ATP8A2: variants seen among roughly 807,000 people sequenced by gnomAD.
ATP8A2 encodes the protein ATPase phospholipid transporting 8A2, also known as phospholipid-transporting ATPase IB.
A neutral mutation model predicts 165.6 loss-of-function variants in ATP8A2; 100 were observed. The ratio of observed to expected loss-of-function variants is 0.60; its 90% CI spans 0.51 to 0.71. The LOEUF (loss-of-function observed/expected upper bound fraction) is 0.71. ATP8A2 is among the 30% of genes least tolerant of loss of function. The pLI is 0.00. For missense variants in ATP8A2, 1,227 were observed against 1,479.5 expected (o/e 0.83, Z 2.80); for synonymous variants, 543 against 548.8 (o/e 0.99, Z 0.15).
At chr13:25,836,037 A>G (rs1951594368) in intron 28 of ATP8A2, among the ~76,000 whole-genome samples, 4 of 152,220 alleles carry the variant, frequency 2.6e-5, no homozygotes, top group Admixed American at 2.6e-4. Flanking sequence ...AGTAGAACAA[A>G]AAGTGATTGG....
At chr13:25,534,867 T>G (rs1306881107) in intron 6 of ATP8A2, among the ~76,000 whole-genome samples, 1 of 152,206 alleles carries the variant, frequency 6.6e-6, no homozygotes, top group Admixed American at 6.5e-5. Context: ...GCTATCTGAT[T>G]CACTGGGTCT....
chr13:25,440,888 GA>G (rs1215262376), intron 1 of ATP8A2, among the ~76,000 whole-genome samples: 1 of 152,150 alleles, frequency 6.6e-6, no homozygotes, highest in Non-Finnish European at 1.5e-5. Flanking sequence ...AATATGTTGA[GA>G]CCCTTGACGT....
At chr13:25,407,018 C>T (rs1387773079) in intron 1 of ATP8A2, among the ~76,000 whole-genome samples, 1 of 152,154 alleles carries the variant, frequency 6.6e-6, no homozygotes, top group African/African-American at 2.4e-5. Context: ...AGGACACTTA[C>T]CTGGCAGTGG....
chr13:25,995,897 A>G (rs946286994), intron 35 of ATP8A2, among the ~76,000 whole-genome samples: 3 of 152,124 alleles, frequency 2.0e-5, no homozygotes, highest in Non-Finnish European at 4.4e-5. Flanking sequence ...ATAATTGTGA[A>G]TTAGTCTATT....
chr13:25,799,099 A>G (rs184135680), intron 27 of ATP8A2, among the ~76,000 whole-genome samples: 92 of 152,330 alleles, frequency 6.0e-4, no homozygotes, highest in African/African-American at 2.2e-3. Context: ...AGATTAAAAA[A>G]AAAACACAGT....
intron 24 of ATP8A2, among the ~76,000 whole-genome samples, chr13:25,679,375 C>A (rs2137797260): frequency 6.6e-6 from 1 of 152,278 alleles, no homozygotes; most frequent in South Asian, 2.1e-4. Context: ...TGAGGTTTTG[C>A]AACAGAATGT....
At chr13:25,735,625 T>C (rs908634025) in intron 25 of ATP8A2, among the ~76,000 whole-genome samples, 2 of 151,912 alleles carry the variant, frequency 1.3e-5, no homozygotes, top group Admixed American at 6.6e-5. Context: ...GAGAGGAAGG[T>C]AAGTCAGGAG....
rs750970137 is a variant in ATP8A2, at chr13:25,940,491, G to C, written c.3184-21084G>C. Reference sequence around the variant, plus strand: ...TCCCGTCCTCTGGGCAGGCCCCACCGGCCTTTCCTCCACACTGACTCATGC... The same window carrying C: ...TCCCGTCCTCTGGGCAGGCCCCACCCGCCTTTCCTCCACACTGACTCATGC... On this transcript the variant is annotated intron_variant, in intron 33 of 36. Transcript: ENST00000381655. Among the ~76,000 whole-genome samples, 12 of 152,234 alleles carry C rather than the reference G, an allele frequency of 7.9e-5. No individual in the cohort carries two copies. The East Asian group carries it at 2.3e-3, about 29-fold the overall frequency.
At chr13:25,523,416 G>A (rs907399884) in intron 2 of ATP8A2, among the ~76,000 whole-genome samples, 2 of 151,982 alleles carry the variant, frequency 1.3e-5, no homozygotes, top group Non-Finnish European at 1.5e-5. Flanking sequence ...AAGACTTCAG[G>A]CACACACCAC....
At chr13:25,666,829 TGA>T (rs2042164840) in intron 24 of ATP8A2, among the ~76,000 whole-genome samples, 1 of 152,212 alleles carries the variant, frequency 6.6e-6, no homozygotes, top group Non-Finnish European at 1.5e-5. Context: ...GAGATAAGGC[TGA>T]GGTAGCCAAA....
chr13:25,578,123 A>G (rs2039668630), intron 20 of ATP8A2, among the ~76,000 whole-genome samples: 1 of 152,188 alleles, frequency 6.6e-6, no homozygotes, highest in Non-Finnish European at 1.5e-5. Flanking sequence ...GGTGGTAGAG[A>G]GAGGAGGGCT....
chr13:25,419,786 A>T (rs191674764), intron 1 of ATP8A2, among the ~76,000 whole-genome samples: 4 of 152,348 alleles, frequency 2.6e-5, no homozygotes, highest in Admixed American at 2.6e-4. Flanking sequence ...TGTGAGAGTG[A>T]AATATAATCA....
At chr13:25,762,268 CAAA>C (rs59081934) in intron 25 of ATP8A2, among the ~76,000 whole-genome samples, 5 of 41,310 alleles carry the variant, frequency 1.2e-4, no homozygotes, top group African/African-American at 5.4e-4. Flanking sequence ...GACTCTGTCT[CAAA>C]AAAAAAAAAA....
At chr13:25,379,631 T>C (rs773409173) in intron 1 of ATP8A2, among the ~76,000 whole-genome samples, 1 of 152,228 alleles carries the variant, frequency 6.6e-6, no homozygotes, top group Non-Finnish European at 1.5e-5. Context: ...AAACATAACA[T>C]TGGTTTTAAA....
intron 25 of ATP8A2, among the ~76,000 whole-genome samples, chr13:25,763,141 C>G (rs1270686489): frequency 6.6e-6 from 1 of 152,178 alleles, no homozygotes; most frequent in Non-Finnish European, 1.5e-5. Context: ...AAACGCTCAT[C>G]CCTGAAAGTC....
chr13:25,683,611 G>A (rs779456239), intron 24 of ATP8A2, among the ~76,000 whole-genome samples: 1 of 152,106 alleles, frequency 6.6e-6, no homozygotes, highest in East Asian at 1.9e-4. Flanking sequence ...ATTACAAATG[G>A]TGGCTTCTGT....
intron 1 of ATP8A2, among the ~76,000 whole-genome samples, chr13:25,448,737 C>T (rs1039513256): frequency 6.6e-6 from 1 of 152,174 alleles, no homozygotes; most frequent in African/African-American, 2.4e-5. Flanking sequence ...GCCACCTCTG[C>T]CTCCCAGGTT....
At chr13:25,422,611 C>T (rs1417612049) in intron 1 of ATP8A2, among the ~76,000 whole-genome samples, 7 of 152,242 alleles carry the variant, frequency 4.6e-5, no homozygotes, top group Admixed American at 3.3e-4. Context: ...GACCTTCACA[C>T]GAGTCAGCCT....
At chr13:25,829,668 G>GTATGTA (rs1951406164) in intron 28 of ATP8A2, among the ~76,000 whole-genome samples, 4 of 63,394 alleles carry the variant, frequency 6.3e-5, no homozygotes, top group African/African-American at 2.5e-4. Context: ...GACAGGTGTG[G>GTATGTA]TATATATATA....
Sources: allele counts gnomAD v4.1 joint callset (sites outside exome capture counted in the v4.1 genomes callset), GRCh38; gene constraint gnomAD v4.1.1; transcripts MANE v1.5; gene names NCBI Gene and HGNC (gene_info 2026-07-23, HGNC 2026-07-21).